AGFG2: variants seen among roughly 807,000 people sequenced by gnomAD.
The protein encoded by AGFG2 is arf-GAP domain and FG repeat-containing protein 2.
In AGFG2, 31 loss-of-function variants were observed where a neutral mutation model predicts 48.0. That is an observed-to-expected ratio of 0.65 (90% CI 0.49 to 0.87). The LOEUF (loss-of-function observed/expected upper bound fraction) is 0.87, where lower values mean the gene tolerates loss of function less well. AGFG2 is among the 40% of genes least tolerant of loss of function. AGFG2 has a pLI of 0.00. For synonymous variants in AGFG2, 229 were observed against 260.8 expected (o/e 0.88, Z 1.18); for missense variants, 599 against 632.6 (o/e 0.95, Z 0.57).
intron 4 of AGFG2, 26 bp downstream of exon 4, chr7:100,553,526 T>C (rs1419998624): frequency 6.3e-7 from 1 of 1,575,154 alleles, no homozygotes; most frequent in Non-Finnish European, 8.6e-7. Context: ...GCTCGTCATG[T>C]TTCTTTTGAG....
chr7:100,552,820 G>A (rs1286979646), intron 3 of AGFG2, among the ~76,000 whole-genome samples: 2 of 152,112 alleles, frequency 1.3e-5, no homozygotes, highest in African/African-American at 4.8e-5. Flanking sequence ...ATGGAGCTGA[G>A]AAGAAGGAGT....
intron 6 of AGFG2, among the ~76,000 whole-genome samples, chr7:100,560,090 C>T (rs942045897): frequency 1.3e-5 from 2 of 152,000 alleles, no homozygotes; most frequent in Non-Finnish European, 2.9e-5. Context: ...GCCGTGCTTG[C>T]GTGGAAATTC....
chr7:100,548,378 T>A (rs1234926289), intron 1 of AGFG2, among the ~76,000 whole-genome samples: 1 of 152,126 alleles, frequency 6.6e-6, no homozygotes, highest in East Asian at 1.9e-4. Flanking sequence ...AGTGGGGTGA[T>A]TTTGGCTCAC....
rs59484677 is a variant in AGFG2, at chr7:100,551,885, C to CAA, written c.431+1399_431+1400dup. Among the ~76,000 whole-genome samples the CAA allele has an allele frequency of 8.1e-3, 137 of 16,854 alleles. 14 individuals are homozygous for CAA. Among genetic ancestry groups the CAA allele is most frequent in the African/African-American group, 0.027 (114 of 4,208 alleles). 11.1% of individuals were successfully genotyped at this position (16,854 alleles called of 152,430 possible). A position where few individuals can be genotyped will look rare whatever the true frequency, so the allele number is the denominator to read the frequency against. On this transcript the variant is annotated intron_variant, in intron 3 of 11. Coordinates refer to ENST00000300176, the MANE Select transcript of AGFG2 (RefSeq NM_006076.5). ...CTGGGCAAAGAGAGAGAGACTGTCT[C>CAA]AAAAAAAAAAAAAAAAAAAAAAAAA... is the stretch of plus-strand genomic sequence containing the variant.
chr7:100,548,145 C>T (rs191624829), intron 1 of AGFG2, among the ~76,000 whole-genome samples: 6 of 152,064 alleles, frequency 3.9e-5, no homozygotes, highest in African/African-American at 1.4e-4. Context: ...CCCAGAAGTA[C>T]CCCCCTCGGC....
chr7:100,554,035 G>A, intron 4 of AGFG2, 58 bp from the exon 5 acceptor site: 4 of 1,554,524 alleles, frequency 2.6e-6, no homozygotes, highest in Non-Finnish European at 2.6e-6. Flanking sequence ...GGGAGCCAGA[G>A]GAGGGCCTGG....
chr7:100,553,265 C>A, intron 3 of AGFG2, 82 bp from the exon 4 acceptor site: 1 of 1,528,842 alleles, frequency 6.5e-7, no homozygotes, highest in Non-Finnish European at 9.0e-7. Context: ...GATTTTGACT[C>A]CTGTGTCTTC....
In AGFG2 at chr7:100,565,942, C is replaced by A. The variant is rs533864258; in HGVS notation, c.*951C>A. Reference sequence around the variant, plus strand: ...GCCTCCCTGTCCCCAAATCTCTGCACCAAAGCTCATTGCAGGCAATGTTGG... The same window carrying A: ...GCCTCCCTGTCCCCAAATCTCTGCAACAAAGCTCATTGCAGGCAATGTTGG... On this transcript the variant is annotated 3_prime_UTR_variant, in exon 12 of 12. Transcript: ENST00000300176. 1 of 151,258 alleles carries A rather than the reference C, an allele frequency of 6.6e-6. No homozygotes were observed. Among genetic ancestry groups the A allele is most frequent in the African/African-American group, 2.4e-5 (1 of 40,840 alleles). The allele number at this position is 151,258 out of a possible 1,614,324, so 9.4% of individuals were successfully genotyped here.
intron 2 of AGFG2, 90 bp from the exon 3 acceptor site, chr7:100,550,305 CA>C (rs61255061): frequency 0.16 from 45,998 of 294,338 alleles, 133 homozygotes; most frequent in African/African-American, 0.27. Context: ...GACTCCGTCT[CA>C]AAAAAAAAAA....
Position 100,565,166 on chromosome 7 carries a change from TCTCCCCTCC to T in AGFG2, c.*179_*187del, listed in dbSNP as rs2131128599. ...CTGCCCTCAGATTCCACAAAGCCTC[TCTCCCCTCC>T]CTCGTCCCACCCCCACCCAGGCAGG... is the stretch of plus-strand genomic sequence containing the variant. On this transcript the variant is annotated 3_prime_UTR_variant, in exon 12 of 12. Coordinates refer to ENST00000300176, the MANE Select transcript of AGFG2 (RefSeq NM_006076.5). The T allele has an allele frequency of 1.4e-6, 1 of 732,058 alleles. No homozygotes were observed. The highest frequency in any genetic ancestry group is 2.6e-5 in the East Asian group (1 of 39,086). 45.3% of individuals were successfully genotyped at this position (732,058 alleles called of 1,614,324 possible). A position where few individuals can be genotyped will look rare whatever the true frequency, so the allele number is the denominator to read the frequency against.
rs1800887450 is a variant in AGFG2 at position 100,562,172 on chromosome 7, T to TCAC, written c.878-76_878-74dup. ...CCTGTCATGCCATGACTCCAATCCA[T>TCAC]CACCACCACCACCTCCATCTGCTCT... On this transcript the variant is annotated intron_variant, in intron 6 of 11. Transcript: ENST00000300176. This position sits in a 1 kb window ranked among gnomAD's most constrained non-coding sequence, Gnocchi z 5.4. 9.2e-6 allele frequency: 14 copies of TCAC among 1,529,842 alleles called. No homozygotes were observed. The highest frequency in any genetic ancestry group is 1.2e-5 in the Non-Finnish European group (14 of 1,129,282). The allele number at this position is 1,529,842 out of a possible 1,614,324, so 94.8% of individuals were successfully genotyped here. A position where few individuals can be genotyped will look rare whatever the true frequency, so the allele number is the denominator to read the frequency against.
intron 6 of AGFG2, among the ~76,000 whole-genome samples, chr7:100,561,397 G>T (rs968240914): frequency 8.5e-5 from 13 of 152,168 alleles, no homozygotes; most frequent in Non-Finnish European, 1.6e-4. Context: ...AAAGTATTGG[G>T]ATTACAGGCA....
chr7:100,550,731 T>C (rs1393907127), intron 3 of AGFG2, among the ~76,000 whole-genome samples: 1 of 152,116 alleles, frequency 6.6e-6, no homozygotes, highest in Non-Finnish European at 1.5e-5. Flanking sequence ...TTTGGAGAGA[T>C]AGTAGACTGA....
intron 1 of AGFG2, 128 bp from the exon 2 acceptor site, chr7:100,548,691 TGGG>T (rs552165566): frequency 1.6e-6 from 1 of 632,366 alleles, no homozygotes; most frequent in Admixed American, 2.7e-5. Flanking sequence ...TAGCTTCAGA[TGGG>T]GGGGTTCTAT....
chr7:100,549,003 AT>A, intron 2 of AGFG2, 88 bp downstream of exon 2: 8 of 1,103,880 alleles, frequency 7.2e-6, no homozygotes, highest in Non-Finnish European at 9.5e-6. Flanking sequence ...TTACGGTTTT[AT>A]TTTTGGTTGA....
At position 100,551,060 on chromosome 7, in the gene AGFG2, A is replaced by T. The variant is rs1457248484; in HGVS notation, c.431+549A>T. On this transcript the variant is annotated intron_variant, in intron 3 of 11. Transcript: ENST00000300176. The stretch of plus-strand genomic sequence containing the variant: ...TATATATATATATATATATATATAT[A>T]TATATATTTCTTTTTTTTTTTTTTT... Among the ~76,000 whole-genome samples the T allele has an allele frequency of 8.1e-4, 62 of 76,868 alleles. 1 individual carries two copies. Among genetic ancestry groups the T allele is most frequent in the African/African-American group, 3.2e-3 (60 of 18,534 alleles). The allele number at this position is 76,868 out of a possible 152,430, so 50.4% of individuals were successfully genotyped here.
chr7:100,539,215 A>G lies in AGFG2; in HGVS notation c.-132A>G. On this transcript the variant is annotated 5_prime_UTR_variant, in exon 1 of 12. Transcript: ENST00000300176. ...GGGCAAGGAGGGTGGTGGACGGCGA[A>G]GTCTCCTGCGGATGCCGCCCGCTCC... 2.2e-6 allele frequency: 2 copies of G among 892,694 alleles called. No individual in the cohort carries two copies. Among genetic ancestry groups the G allele is most frequent in the Non-Finnish European group, 1.5e-6 (1 of 668,058 alleles). The allele number at this position is 892,694 out of a possible 1,614,324, so 55.3% of individuals were successfully genotyped here.
intron 6 of AGFG2, among the ~76,000 whole-genome samples, chr7:100,560,002 C>G (rs550162102): frequency 3.0e-4 from 46 of 152,162 alleles, no homozygotes; most frequent in Non-Finnish European, 6.5e-4. Context: ...TCTCTCCCAG[C>G]CTGGTCCTCA....
chr7:100,553,353 C>A lies in AGFG2; in HGVS notation c.438C>A (p.Val146=), dbSNP rs200613398. 6.2e-7 allele frequency: 1 copy of A among 1,613,942 alleles called. No individual in the cohort carries two copies. Among genetic ancestry groups the A allele is most frequent in the Admixed American group, 1.7e-5 (1 of 59,982 alleles). The part of the protein sequence containing the change: ...QEKYEKKRWY[V]PPDQVKGPTY... ...TAACTATTCTTTCTCAAAGGTATGT[C>A]CCCCCAGACCAAGTCAAGGGGCCCA... Residue 146 remains valine (V), a synonymous_variant, in exon 4 of 12, where the codon GTC becomes GTA. Coordinates refer to ENST00000300176, the MANE Select transcript of AGFG2 (RefSeq NM_006076.5).
Sources: gnomAD v4.1 joint callset for allele counts (sites outside exome capture counted in the v4.1 genomes callset) on GRCh38, gnomAD v4.1.1 for gene constraint, Gnocchi (gnomAD v3.1) non-coding constraint, MANE v1.5 for transcripts, NCBI Gene and HGNC (gene_info 2026-07-23, HGNC 2026-07-21) for gene names.